The following SORCS1 variants were observed in gnomAD, a reference collection of about 807,000 sequenced individuals.
SORCS1 encodes VPS10 domain-containing receptor SorCS1.
Under a neutral mutation model 146.1 loss-of-function variants are expected in SORCS1, and 60 were observed. The observed-to-expected ratio is 0.41, with a 90% confidence interval of 0.33 to 0.51. The LOEUF is 0.51. SORCS1 is among the 20% of genes least tolerant of loss of function. The pLI is 0.21. For missense variants in SORCS1, 1,352 were observed against 1,487.6 expected, an observed-to-expected ratio of 0.91 and a Z score of 1.50; for synonymous variants, 637 against 584.0, an observed-to-expected ratio of 1.09 and a Z score of -1.31.
At chr10:106,757,649 C>A (rs552006843) in intron 5 of SORCS1, among the ~76,000 whole-genome samples, 16 of 152,240 alleles carry the variant, frequency 1.1e-4, no homozygotes, top group African/African-American at 1.9e-4. Flanking sequence ...CTTAAGGAAC[C>A]CTTGTGAGCC....
At chr10:107,021,985 C>T (rs1958171007) in intron 1 of SORCS1, among the ~76,000 whole-genome samples, 1 of 152,160 alleles carries the variant, frequency 6.6e-6, no homozygotes, top group African/African-American at 2.4e-5. Context: ...GCTCTGCCAA[C>T]TCCTACTTGT....
chr10:106,808,548 T>G (rs540496985), intron 3 of SORCS1, among the ~76,000 whole-genome samples: 11 of 152,092 alleles, frequency 7.2e-5, no homozygotes, highest in African/African-American at 1.2e-4. Context: ...TGTCGCCCAG[T>G]CTGGAGTGCA....
At chr10:106,732,355 C>A (rs557569998) in intron 5 of SORCS1, among the ~76,000 whole-genome samples, 1 of 152,158 alleles carries the variant, frequency 6.6e-6, no homozygotes, top group African/African-American at 2.4e-5. Context: ...ACTGCAGCGA[C>A]TACTAGGCTT....
chr10:106,850,580 C>G (rs573606415), intron 2 of SORCS1, among the ~76,000 whole-genome samples: 1 of 152,318 alleles, frequency 6.6e-6, no homozygotes, highest in South Asian at 2.1e-4. Flanking sequence ...TAGACCGGAG[C>G]TGTTCCTATT....
chr10:106,646,520 A>AC (rs1475169656), intron 18 of SORCS1, among the ~76,000 whole-genome samples: 4 of 151,312 alleles, frequency 2.6e-5, no homozygotes, highest in Non-Finnish European at 5.9e-5. Flanking sequence ...ACATGGTGAG[A>AC]CCCCGTCTCT....
At chr10:107,067,449 G>C (rs1961986363) in intron 1 of SORCS1, among the ~76,000 whole-genome samples, 1 of 152,080 alleles carries the variant, frequency 6.6e-6, no homozygotes, top group African/African-American at 2.4e-5. Context: ...CAGTCCCTTT[G>C]AAATGGAAAA....
intron 17 of SORCS1, among the ~76,000 whole-genome samples, chr10:106,656,327 G>A (rs947514761): frequency 2.0e-5 from 3 of 152,172 alleles, no homozygotes; most frequent in Admixed American, 6.5e-5. Context: ...GAGGTGAGCA[G>A]ATCATGAGGT....
chr10:107,148,381 A>G (rs964356506), intron 1 of SORCS1, among the ~76,000 whole-genome samples: 1 of 152,236 alleles, frequency 6.6e-6, no homozygotes, highest in African/African-American at 2.4e-5. Flanking sequence ...CAATATGTCA[A>G]TGAATGAGTG....
At chr10:107,088,822 C>T (rs986960400) in intron 1 of SORCS1, among the ~76,000 whole-genome samples, 1 of 151,690 alleles carries the variant, frequency 6.6e-6, no homozygotes, top group Non-Finnish European at 1.5e-5. Context: ...CTGAATTTGT[C>T]ATGGTTCCTC....
upstream of SORCS1, among the ~76,000 whole-genome samples, chr10:107,166,297 A>G (rs1284870828): frequency 6.6e-6 from 1 of 152,226 alleles, no homozygotes; most frequent in Non-Finnish European, 1.5e-5. Flanking sequence ...TTACTCTTCA[A>G]TTAATGAAAT....
chr10:106,581,322 T>TACACACACACAC (rs3044191), intron 24 of SORCS1, among the ~76,000 whole-genome samples: 67 of 142,444 alleles, frequency 4.7e-4, no homozygotes, highest in African/African-American at 1.7e-3. Context: ...TCGTCATACA[T>TACACACACACAC]ACACACACAC....
At chr10:107,174,864 G>A in the SORCS1 span, among the ~76,000 whole-genome samples, 1 of 152,122 alleles carries the variant, frequency 6.6e-6, no homozygotes, top group Non-Finnish European at 1.5e-5. Context: ...TCAAGAGCAG[G>A]GGGAAAGGTT....
upstream of SORCS1, among the ~76,000 whole-genome samples, chr10:107,166,162 A>G (rs915408817): frequency 6.6e-6 from 1 of 152,216 alleles, no homozygotes; most frequent in African/African-American, 2.4e-5. Context: ...GACACAACAA[A>G]ATAGTACCGA....
chr10:106,914,002 A>T (rs1476533908), intron 2 of SORCS1, among the ~76,000 whole-genome samples: 1 of 152,202 alleles, frequency 6.6e-6, no homozygotes, highest in Admixed American at 6.5e-5. Flanking sequence ...ACACACATCC[A>T]GCCAGTGGGA....
At chr10:107,040,925 C>A (rs374024757) in intron 1 of SORCS1, among the ~76,000 whole-genome samples, 10 of 152,154 alleles carry the variant, frequency 6.6e-5, no homozygotes, top group African/African-American at 2.4e-4. Context: ...ATACACAGCC[C>A]AAAGAGCATG....
chr10:106,973,716 T>C (rs1955884500), intron 1 of SORCS1, among the ~76,000 whole-genome samples: 1 of 152,192 alleles, frequency 6.6e-6, no homozygotes, highest in Non-Finnish European at 1.5e-5. Context: ...GTGGCAAAAA[T>C]AAAATGCCCC....
intron 1 of SORCS1, among the ~76,000 whole-genome samples, chr10:107,072,434 G>A (rs940442323): frequency 2.6e-5 from 4 of 151,942 alleles, no homozygotes; most frequent in Non-Finnish European, 4.4e-5. Context: ...TAATAACCCC[G>A]CCACCTGCAC....
chr10:106,627,551 T>C (rs1261541809), intron 19 of SORCS1, among the ~76,000 whole-genome samples: 1 of 152,236 alleles, frequency 6.6e-6, no homozygotes, highest in Non-Finnish European at 1.5e-5. Context: ...ATTTCTATGA[T>C]ACCATTGCTA....
chr10:107,047,000 ATTTT>A, intron 1 of SORCS1, among the ~76,000 whole-genome samples: 1 of 152,010 alleles, frequency 6.6e-6, no homozygotes. Context: ...TTATTTATTT[ATTTT>A]TTGAGATGGA....
Sources: allele counts gnomAD v4.1 joint callset (sites outside exome capture counted in the v4.1 genomes callset), GRCh38; gene constraint gnomAD v4.1.1; transcripts MANE v1.5; gene names NCBI Gene and HGNC (gene_info 2026-07-23, HGNC 2026-07-21).